CNOT6: variants seen among roughly 807,000 people sequenced by gnomAD.
CNOT6 encodes carbon catabolite repression 4 protein.
In CNOT6, 12 loss-of-function variants were observed where a neutral mutation model predicts 61.2. The observed-to-expected ratio is 0.20, with a 90% CI of 0.13 to 0.32. CNOT6 has a LOEUF of 0.32. Among genes scored for constraint, CNOT6 ranks in the 10% least tolerant of loss-of-function variants. The pLI, the probability that CNOT6 is intolerant of heterozygous loss-of-function variation, is 1.00. For synonymous variants in CNOT6, 225 were observed against 240.6 expected, an observed-to-expected ratio of 0.94 and a Z score of 0.60; for missense variants, 405 against 663.9, an observed-to-expected ratio of 0.61 and a Z score of 4.28.
intron 2 of CNOT6, among the ~76,000 whole-genome samples, chr5:180,542,267 A>ATT (rs796918574): frequency 5.0e-5 from 7 of 140,712 alleles, no homozygotes; most frequent in South Asian, 2.2e-4. Flanking sequence ...TGGGCTACCA[A>ATT]TTTTTTTTTT....
intron 1 of CNOT6, among the ~76,000 whole-genome samples, chr5:180,522,421 A>G (rs916253975): frequency 6.6e-6 from 1 of 151,966 alleles, no homozygotes; most frequent in Non-Finnish European, 1.5e-5. Context: ...GCTTAGTTCT[A>G]TTTTTAGTTC....
chr5:180,519,833 C>CTTTT (rs35658678), intron 1 of CNOT6, among the ~76,000 whole-genome samples: 1 of 135,272 alleles, frequency 7.4e-6, no homozygotes, highest in Non-Finnish European at 1.6e-5. Context: ...TATCCATTTG[C>CTTTT]TTTTTTTTTT....
chr5:180,529,571 T>G (rs1758256623), intron 2 of CNOT6, among the ~76,000 whole-genome samples, 183 bp downstream of exon 2: 1 of 152,228 alleles, frequency 6.6e-6, no homozygotes. Context: ...AGAATATGAT[T>G]TGAGTCAAAG....
At chr5:180,571,958 A>G (rs1403884940) in intron 11 of CNOT6, among the ~76,000 whole-genome samples, 2 of 115,616 alleles carry the variant, frequency 1.7e-5, no homozygotes, top group African/African-American at 5.5e-5. Context: ...TCAGGATAAG[A>G]AGTCACATGA....
At chr5:180,544,785 G>T (rs920882504) in intron 2 of CNOT6, among the ~76,000 whole-genome samples, 6 of 152,092 alleles carry the variant, frequency 3.9e-5, no homozygotes, top group African/African-American at 1.2e-4. Flanking sequence ...GAGTGAAGAG[G>T]GCAAAGACAC....
intron 4 of CNOT6, among the ~76,000 whole-genome samples, chr5:180,561,258 T>A (rs1196371749): frequency 2.6e-5 from 4 of 152,200 alleles, no homozygotes; most frequent in African/African-American, 9.7e-5. Context: ...AGCCTTCATT[T>A]ATTTTATTTT....
intron 1 of CNOT6, among the ~76,000 whole-genome samples, chr5:180,496,657 A>C (rs2127685412): frequency 6.6e-6 from 1 of 152,302 alleles, no homozygotes. Context: ...ACCCTGTCTC[A>C]GAAAAATATA....
At chr5:180,524,830 TATTAA>T (rs1411782795) in intron 1 of CNOT6, among the ~76,000 whole-genome samples, 1 of 152,194 alleles carries the variant, frequency 6.6e-6, no homozygotes, top group Non-Finnish European at 1.5e-5. Context: ...TTCTTACCAT[TATTAA>T]ATTCTATCTG....
At chr5:180,543,656 A>G (rs977304771) in intron 2 of CNOT6, among the ~76,000 whole-genome samples, 9 of 152,234 alleles carry the variant, frequency 5.9e-5, no homozygotes, top group Admixed American at 2.0e-4. Context: ...TTAAAATTTT[A>G]GTAGATATTA....
chr5:180,570,136 T>G (rs557928647), intron 10 of CNOT6, among the ~76,000 whole-genome samples: 2 of 152,228 alleles, frequency 1.3e-5, no homozygotes, highest in African/African-American at 4.8e-5. Context: ...GGTGGGCAGA[T>G]CAGTTGAGGC....
At chr5:180,520,376 G>A (rs1228478476) in intron 1 of CNOT6, among the ~76,000 whole-genome samples, 2 of 152,138 alleles carry the variant, frequency 1.3e-5, no homozygotes, top group African/African-American at 2.4e-5. Context: ...GGGCGCGGTG[G>A]CTCACATCTG....
intron 3 of CNOT6, among the ~76,000 whole-genome samples, chr5:180,550,915 C>T (rs1292648204): frequency 2.6e-5 from 4 of 152,090 alleles, no homozygotes; most frequent in African/African-American, 9.7e-5. Context: ...TGTGTAAGTT[C>T]AGGTTGGAAT....
chr5:180,556,700 C>G (rs868755948), intron 4 of CNOT6, among the ~76,000 whole-genome samples: 2 of 152,222 alleles, frequency 1.3e-5, no homozygotes, highest in African/African-American at 4.8e-5. Context: ...CGCCTATAAT[C>G]CCAGTACTTT....
chr5:180,566,398 A>G (rs905945068), intron 7 of CNOT6, among the ~76,000 whole-genome samples: 1 of 152,170 alleles, frequency 6.6e-6, no homozygotes, highest in African/African-American at 2.4e-5. Context: ...ATAGTCACTC[A>G]TATGATCTTG....
chr5:180,564,518 C>G lies in CNOT6; in HGVS notation c.415C>G (p.Leu139Val), dbSNP rs754702811. The G allele has an allele frequency of 1.2e-6, 2 of 1,613,440 alleles. No individual in the cohort carries two copies. Among genetic ancestry groups the G allele is most frequent in the South Asian group, 2.2e-5 (2 of 91,036 alleles). ...GNPLTQDILN[L>V]YQEPDGTRRL... ...TCCCCTTACCCAGGATATATTGAAC[C>G]TTTATCAGGAACCAGATGGAACAAG... Residue 139 changes from leucine to valine, a missense_variant, in exon 5 of 12, where the codon CTT becomes GTT. Transcript: ENST00000261951.
intron 4 of CNOT6, among the ~76,000 whole-genome samples, chr5:180,558,467 A>T (rs1760008695): frequency 6.6e-6 from 1 of 150,848 alleles, no homozygotes; most frequent in Non-Finnish European, 1.5e-5. Context: ...AGTGCTTTCC[A>T]GCGTAGCCCA....
chr5:180,522,166 C>T (rs547168515), intron 1 of CNOT6, among the ~76,000 whole-genome samples: 4 of 152,150 alleles, frequency 2.6e-5, no homozygotes, highest in South Asian at 2.1e-4. Context: ...CTCTTATCAC[C>T]GAGGCTGGAG....
intron 1 of CNOT6, among the ~76,000 whole-genome samples, chr5:180,499,299 T>G (rs2127688328): frequency 6.6e-6 from 1 of 152,360 alleles, no homozygotes; most frequent in South Asian, 2.1e-4. Context: ...GTCTTCTGAG[T>G]TAGGCTTAGG....
chr5:180,561,277 A>G (rs7446752), intron 4 of CNOT6, among the ~76,000 whole-genome samples: 37,996 of 151,038 alleles, frequency 0.25, 5,410 homozygotes, highest in East Asian at 0.51. Context: ...TTTCAGTTCT[A>G]ATATTCCCAT....
Sources: gnomAD v4.1 joint callset for allele counts (sites outside exome capture counted in the v4.1 genomes callset) on GRCh38, gnomAD v4.1.1 for gene constraint, MANE v1.5 for transcripts, NCBI Gene and HGNC (gene_info 2026-07-23, HGNC 2026-07-21) for gene names.